The following LRP1B variants were observed in gnomAD, a reference collection of about 807,000 sequenced individuals.
LRP1B encodes the protein low-density lipoprotein receptor-related protein 1B.
A neutral mutation model predicts 556.6 loss-of-function variants in LRP1B; 217 were observed. The ratio of observed to expected loss-of-function variants is 0.39; its 90% confidence interval spans 0.35 to 0.44. The LOEUF is 0.44. Among genes scored for constraint, LRP1B ranks in the 20% least tolerant of loss-of-function variants. The pLI is 1.00. For synonymous variants in LRP1B, 2,047 were observed against 1,865.8 expected, an observed-to-expected ratio of 1.10 and a Z score of -2.50; for missense variants, 5,053 against 5,620.8, an observed-to-expected ratio of 0.90 and a Z score of 3.23.
At chr2:140,898,887 CA>C (rs984556460) in intron 23 of LRP1B, 1 of 401,738 alleles carries the variant, frequency 2.5e-6, no homozygotes, top group Non-Finnish European at 5.0e-6. Context: ...TGCAGGTCAT[CA>C]AACTCATCCT....
chr2:141,175,408 G>A (rs1322411783), intron 7 of LRP1B, among the ~76,000 whole-genome samples: 1 of 152,132 alleles, frequency 6.6e-6, no homozygotes, highest in African/African-American at 2.4e-5. Context: ...GGGACTTGAT[G>A]ACCTGCATAG....
chr2:141,442,613 T>C (rs1453961737), intron 3 of LRP1B, among the ~76,000 whole-genome samples: 1 of 152,102 alleles, frequency 6.6e-6, no homozygotes, highest in Non-Finnish European at 1.5e-5. Flanking sequence ...CAGTGTGTGA[T>C]GTTCCCCTCC....
At chr2:140,294,885 CATTT>C (rs1349611325) in intron 84 of LRP1B, among the ~76,000 whole-genome samples, 3 of 151,878 alleles carry the variant, frequency 2.0e-5, no homozygotes, top group Non-Finnish European at 4.4e-5. Context: ...TTTATTTATG[CATTT>C]ATTTATTGAG....
chr2:141,201,899 A>G (rs1283525491), intron 6 of LRP1B, among the ~76,000 whole-genome samples: 1 of 152,198 alleles, frequency 6.6e-6, no homozygotes, highest in Non-Finnish European at 1.5e-5. Flanking sequence ...AAACCCAGTG[A>G]CCAAATATTT....
intron 1 of LRP1B, among the ~76,000 whole-genome samples, chr2:142,124,035 GT>G (rs202186553): frequency 4.0e-5 from 6 of 151,182 alleles, no homozygotes; most frequent in African/African-American, 9.7e-5. Flanking sequence ...AGAAAAACAT[GT>G]TTTTTTTAAT....
chr2:141,709,824 AG>A (rs1369622032), intron 2 of LRP1B, among the ~76,000 whole-genome samples: 1 of 152,154 alleles, frequency 6.6e-6, no homozygotes, highest in African/African-American at 2.4e-5. Context: ...ATGGAATACC[AG>A]AGATTGGCTG....
At chr2:141,305,211 C>G (rs1452080056) in intron 3 of LRP1B, among the ~76,000 whole-genome samples, 1 of 152,096 alleles carries the variant, frequency 6.6e-6, no homozygotes, top group Non-Finnish European at 1.5e-5. Context: ...TCTTCCAATC[C>G]ATGAAAGTGG....
Position 141,696,848 on chromosome 2 carries a change from C to T in LRP1B, c.205+113431G>A, listed in dbSNP as rs573272439. On this transcript the variant is annotated intron_variant, in intron 2 of 90. Transcript: ENST00000389484. ...TATATTTGAATGACACCTTCAAAGA[C>T]GGACATTAATAGTTTGCCACCTGGC... Among the ~76,000 whole-genome samples the T allele has an allele frequency of 2.8e-4, 43 of 151,856 alleles. 2 individuals carry two copies. The highest frequency in any genetic ancestry group is 1.9e-3 in the South Asian group (9 of 4,816).
At chr2:140,324,748 G>A (rs1680368811) in intron 80 of LRP1B, among the ~76,000 whole-genome samples, 1 of 151,586 alleles carries the variant, frequency 6.6e-6, no homozygotes, top group Non-Finnish European at 1.5e-5. Context: ...ATTATCTAGA[G>A]GTTGTAAAGT....
intron 7 of LRP1B, among the ~76,000 whole-genome samples, chr2:141,180,109 G>T (rs1680925859): frequency 6.6e-6 from 1 of 151,550 alleles, no homozygotes; most frequent in Non-Finnish European, 1.5e-5. Context: ...TCAGAATTTT[G>T]AATAAATCAC....
intron 1 of LRP1B, among the ~76,000 whole-genome samples, chr2:141,848,224 A>G (rs1416203757): frequency 6.6e-6 from 1 of 151,636 alleles, no homozygotes; most frequent in Non-Finnish European, 1.5e-5. Context: ...GAAACGCAGT[A>G]TTTTTTATGT....
At chr2:140,850,887 A>T (rs1233194183) in intron 28 of LRP1B, among the ~76,000 whole-genome samples, 1 of 152,110 alleles carries the variant, frequency 6.6e-6, no homozygotes, top group Non-Finnish European at 1.5e-5. Context: ...ACTTCCTTGC[A>T]CTACATTTGT....
At chr2:140,748,387 ATAT>A (rs1420926316) in intron 35 of LRP1B, among the ~76,000 whole-genome samples, 17 of 18,890 alleles carry the variant, frequency 9.0e-4, no homozygotes, top group South Asian at 4.9e-3. Flanking sequence ...ATATATTCAT[ATAT>A]TATATTCATA....
intron 53 of LRP1B, 105 bp downstream of exon 53, chr2:140,506,691 A>C: frequency 8.6e-7 from 1 of 1,158,078 alleles, no homozygotes; most frequent in South Asian, 1.5e-5. Context: ...GGTGTTGATG[A>C]CACTAAGAAA....
chr2:140,571,294 A>G (rs1487337711), intron 43 of LRP1B, among the ~76,000 whole-genome samples: 2 of 151,796 alleles, frequency 1.3e-5, no homozygotes, highest in African/African-American at 4.8e-5. Context: ...CTTATAACTG[A>G]TAAATAATTT....
chr2:141,430,337 A>G (rs1167814995), intron 3 of LRP1B, among the ~76,000 whole-genome samples: 2 of 152,216 alleles, frequency 1.3e-5, no homozygotes, highest in Non-Finnish European at 2.9e-5. Context: ...TTGTGATATT[A>G]AACAGTAGCT....
rs1229792824 is a variant in LRP1B, at chr2:140,922,987, G to T, written c.3297C>A (p.Thr1099=). 3 of 1,611,968 alleles carry T rather than the reference G, an allele frequency of 1.9e-6. No homozygotes were observed. Among genetic ancestry groups the T allele is most frequent in the Non-Finnish European group, 2.5e-6 (3 of 1,178,846 alleles). The change falls in exon 21 of 91, where the codon ACC becomes ACA. Residue 1099 remains threonine, a synonymous_variant. Transcript: ENST00000389484. ...NGTIRLCDHK[T]KFSCWSTGRC... ...TACCTGTACTCCAACAGGAAAACTT[G>T]GTTTTGTGGTCACACAATCGTATGG...
At chr2:140,419,448 T>G (rs1477130102) in intron 66 of LRP1B, among the ~76,000 whole-genome samples, 4 of 152,296 alleles carry the variant, frequency 2.6e-5, no homozygotes, top group African/African-American at 9.6e-5. Context: ...TATTATCAAC[T>G]AATTTGTTAT....
intron 1 of LRP1B, among the ~76,000 whole-genome samples, chr2:141,880,648 T>C (rs1170111098): frequency 1.3e-5 from 2 of 152,038 alleles, no homozygotes; most frequent in African/African-American, 2.4e-5. Flanking sequence ...AATAAATAGC[T>C]ACTCTCATGC....
Sources: allele counts gnomAD v4.1 joint callset (sites outside exome capture counted in the v4.1 genomes callset), GRCh38; gene constraint gnomAD v4.1.1; transcripts MANE v1.5; gene names NCBI Gene and HGNC (gene_info 2026-07-23, HGNC 2026-07-21).